ARHGAP21: variants seen among roughly 807,000 people sequenced by gnomAD.
ARHGAP21 encodes Rho GTPase activating protein 21.
A neutral mutation model predicts 164.6 loss-of-function variants in ARHGAP21; 38 were observed. The ratio of observed to expected loss-of-function variants is 0.23; its 90% CI spans 0.18 to 0.30. The LOEUF (loss-of-function observed/expected upper bound fraction) is 0.30. Among genes scored for constraint, ARHGAP21 ranks in the 10% least tolerant of loss-of-function variants. The pLI is 1.00. For synonymous variants in ARHGAP21, 766 were observed against 857.9 expected (o/e 0.89, Z 1.87); for missense variants, 1,822 against 2,370.7 (o/e 0.77, Z 4.81).
intron 2 of ARHGAP21, among the ~76,000 whole-genome samples, chr10:24,696,232 G>A (rs543214816): frequency 6.6e-6 from 1 of 152,320 alleles, no homozygotes; most frequent in South Asian, 2.1e-4. Flanking sequence ...TTGGCACAGG[G>A]CAGGGGAACC....
intron 2 of ARHGAP21, among the ~76,000 whole-genome samples, chr10:24,687,493 T>C (rs1404004382): frequency 6.6e-6 from 1 of 152,240 alleles, no homozygotes; most frequent in Non-Finnish European, 1.5e-5. Flanking sequence ...TGAGTGCATA[T>C]AGCACATTTC....
intron 24 of ARHGAP21, chr10:24,589,552 T>C (rs991960910): frequency 2.3e-6 from 1 of 432,408 alleles, no homozygotes; most frequent in Non-Finnish European, 4.1e-6. Flanking sequence ...AGCCCTGTGC[T>C]AAACAAAAAC....
At chr10:24,723,483 C>T in intron 1 of ARHGAP21, 79 bp downstream of exon 1, 1 of 147,372 alleles carries the variant, frequency 6.8e-6, no homozygotes, top group Non-Finnish European at 1.5e-5. Context: ...AGGGAGAGAG[C>T]CCGCGGCAAG....
intron 3 of ARHGAP21, among the ~76,000 whole-genome samples, chr10:24,668,446 G>T (rs571706565): frequency 6.6e-6 from 1 of 152,302 alleles, no homozygotes; most frequent in African/African-American, 2.4e-5. Context: ...GTGGCTGTGT[G>T]TGTGCTCTGC....
At chr10:24,606,724 C>T (rs1014267646) in intron 11 of ARHGAP21, among the ~76,000 whole-genome samples, 2 of 152,098 alleles carry the variant, frequency 1.3e-5, no homozygotes, top group African/African-American at 4.8e-5. Flanking sequence ...GTCTGTAATC[C>T]CAGCTACTTG....
chr10:24,604,693 A>T (rs1242255623), intron 11 of ARHGAP21, among the ~76,000 whole-genome samples: 2 of 152,128 alleles, frequency 1.3e-5, no homozygotes, highest in African/African-American at 4.8e-5. Flanking sequence ...GATTTCCATG[A>T]TGTTAATTAT....
chr10:24,672,926 G>A (rs1291130461), intron 2 of ARHGAP21, among the ~76,000 whole-genome samples: 2 of 151,886 alleles, frequency 1.3e-5, no homozygotes, highest in East Asian at 3.9e-4. Flanking sequence ...TAAGCAACTG[G>A]AAATTTAAAA....
chr10:24,654,585 G>A (rs1593178320), intron 4 of ARHGAP21, among the ~76,000 whole-genome samples: 1 of 152,124 alleles, frequency 6.6e-6, no homozygotes, highest in African/African-American at 2.4e-5. Flanking sequence ...CCTCTTCAAG[G>A]AGAACTACAA....
intron 4 of ARHGAP21, among the ~76,000 whole-genome samples, chr10:24,664,721 C>CA (rs1840032559): frequency 4.6e-5 from 2 of 43,434 alleles, no homozygotes; most frequent in Non-Finnish European, 8.5e-5. Context: ...TGGCCATAAA[C>CA]CCTTGAGTGA....
intron 7 of ARHGAP21, among the ~76,000 whole-genome samples, chr10:24,625,297 GAGAA>G (rs1835014909): frequency 4.1e-5 from 1 of 24,672 alleles, no homozygotes; most frequent in Admixed American, 4.5e-4. Context: ...AAATGAAACA[GAGAA>G]AAAAAAAAAA....
intron 17 of ARHGAP21, 50 bp downstream of exon 17, chr10:24,596,690 C>A (rs914885981): frequency 1.2e-6 from 2 of 1,611,378 alleles, no homozygotes; most frequent in Non-Finnish European, 1.7e-6. Flanking sequence ...CCATTATAAT[C>A]AAAACTGAAT....
intron 2 of ARHGAP21, among the ~76,000 whole-genome samples, chr10:24,720,497 G>A (rs902701611): frequency 2.0e-5 from 3 of 152,202 alleles, no homozygotes; most frequent in African/African-American, 7.2e-5. Flanking sequence ...TTGCCTGCAA[G>A]CAGGTGTTTA....
chr10:24,656,010 C>G (rs983106891), intron 4 of ARHGAP21, among the ~76,000 whole-genome samples: 1 of 143,470 alleles, frequency 7.0e-6, no homozygotes, highest in Non-Finnish European at 1.5e-5. Flanking sequence ...AGGAGCCCCT[C>G]CGCCCGGCAG....
At chr10:24,645,108 A>G (rs1837428298) in intron 4 of ARHGAP21, among the ~76,000 whole-genome samples, 1 of 152,206 alleles carries the variant, frequency 6.6e-6, no homozygotes, top group South Asian at 2.1e-4. Flanking sequence ...CTTTAACTGG[A>G]AACACACACT....
chr10:24,697,625 A>G (rs1415903913), intron 2 of ARHGAP21, among the ~76,000 whole-genome samples: 1 of 152,050 alleles, frequency 6.6e-6, no homozygotes, highest in Non-Finnish European at 1.5e-5. Flanking sequence ...GGGAGGCCGA[A>G]GTGGGTGGAT....
At chr10:24,719,095 G>A (rs1845668791) in intron 2 of ARHGAP21, among the ~76,000 whole-genome samples, 1 of 82,324 alleles carries the variant, frequency 1.2e-5, no homozygotes, top group African/African-American at 6.4e-5. Context: ...AGACTTCACG[G>A]ACTACACACA....
chr10:24,659,633 G>A (rs946121779), intron 4 of ARHGAP21, among the ~76,000 whole-genome samples: 6 of 152,130 alleles, frequency 3.9e-5, no homozygotes, highest in African/African-American at 9.7e-5. Flanking sequence ...TCTTTCTTAC[G>A]TATTTTCAAG....
In ARHGAP21 at chr10:24,621,197, C is replaced by T. The variant is rs1239881996; in HGVS notation, c.698G>A (p.Ser233Asn). The part of the protein sequence containing the change: ...PDSSLSKQQT[S>N]TPVLTQPGRA... ...ACCAGGTTGTGTCAGTACTGGTGTA[C>T]TGGTTTGCTGTTTGCTCAATGATGA... The change falls in exon 9 of 26, where the codon AGT (serine) becomes AAT (asparagine). Residue 233 changes from serine to asparagine, a missense_variant. This residue lies in a region of ARHGAP21 where 1,090 missense variants were observed against 1,378.9 expected (regional missense o/e 0.79). Transcript: ENST00000396432. The T allele has an allele frequency of 5.0e-6, 8 of 1,613,756 alleles. No individual in the cohort carries two copies. The highest frequency in any genetic ancestry group is 1.7e-5 in the Admixed American group (1 of 59,988).
chr10:24,654,466 A>G, intron 4 of ARHGAP21, among the ~76,000 whole-genome samples: 1 of 152,230 alleles, frequency 6.6e-6, no homozygotes, highest in Admixed American at 6.5e-5. Flanking sequence ...AATCACAAGC[A>G]TTCCTATACA....
Sources: allele counts gnomAD v4.1 joint callset (sites outside exome capture counted in the v4.1 genomes callset), GRCh38; gene constraint gnomAD v4.1.1; regional missense constraint gnomAD v4.1.1; transcripts MANE v1.5; gene names NCBI Gene and HGNC (gene_info 2026-07-23, HGNC 2026-07-21).